Variants in C7 observed in about 807,000 individuals in gnomAD.
The protein encoded by C7 is complement component C7.
C7 carries 83 observed loss-of-function variants against 104.8 expected under a neutral mutation model. The observed-to-expected ratio is 0.79, with a 90% CI of 0.66 to 0.95. The LOEUF (loss-of-function observed/expected upper bound fraction) is 0.95. Among genes scored for constraint, C7 ranks in the 40% least tolerant of loss-of-function variants. The pLI, the probability that C7 is intolerant of heterozygous loss-of-function variation, is 0.00. For missense variants in C7, 1,070 were observed against 1,011.2 expected (o/e 1.06, Z -0.79); for synonymous variants, 415 against 360.6 (o/e 1.15, Z -1.71).
intron 16 of C7, among the ~76,000 whole-genome samples, chr5:40,977,844 C>T (rs765789819): frequency 3.3e-5 from 5 of 152,022 alleles, no homozygotes; most frequent in African/African-American, 4.8e-5. Flanking sequence ...AATTAAAAAC[C>T]AACACATGAC....
At chr5:40,970,439 G>C (rs570621317) in intron 14 of C7, among the ~76,000 whole-genome samples, 3 of 152,186 alleles carry the variant, frequency 2.0e-5, no homozygotes, top group South Asian at 4.1e-4. Flanking sequence ...AATTGAGTAA[G>C]AAAGAATACA....
chr5:40,921,897 G>C (rs1237720516), intron 1 of C7, among the ~76,000 whole-genome samples: 1 of 151,352 alleles, frequency 6.6e-6, no homozygotes, highest in African/African-American at 2.4e-5. Context: ...AATCAGCCAG[G>C]CGTGGTGGTG....
chr5:40,953,328 A>G (rs890626455), intron 9 of C7, among the ~76,000 whole-genome samples: 6 of 152,272 alleles, frequency 3.9e-5, no homozygotes, highest in South Asian at 2.1e-4. Context: ...CTTAATGGGT[A>G]TAAACCTGTA....
intron 15 of C7, among the ~76,000 whole-genome samples, chr5:40,974,193 TA>T (rs1740763648): frequency 6.6e-6 from 1 of 152,164 alleles, no homozygotes; most frequent in African/African-American, 2.4e-5. Context: ...CTATATCCAT[TA>T]AACATTAATT....
intron 14 of C7, among the ~76,000 whole-genome samples, chr5:40,966,443 C>A (rs903115055): frequency 6.6e-6 from 1 of 151,844 alleles, no homozygotes; most frequent in Non-Finnish European, 1.5e-5. Flanking sequence ...ACAATCTCAG[C>A]TCACTGCAAC....
chr5:40,928,777 A>G (rs1022345854), intron 2 of C7, 142 bp downstream of exon 2: 8 of 525,078 alleles, frequency 1.5e-5, no homozygotes, highest in Non-Finnish European at 2.7e-5. Context: ...ATAAAAGACA[A>G]TGATAACAAA....
Position 40,979,752 on chromosome 5 carries a change from T to A in C7, c.2193T>A (p.Asp731Glu). 1 of 1,613,520 alleles carries A rather than the reference T, an allele frequency of 6.2e-7. No homozygotes were observed. The highest frequency in any genetic ancestry group is 8.5e-7 in the Non-Finnish European group (1 of 1,179,632). ...CTTCCTTGGATGTATGTGCTCAAGA[T>A]GAGAGAAGCAAAAGGATACTGCCTC... ...CGPSLDVCAQDERSKRILPLT... is the reference protein window; with the variant it reads ...CGPSLDVCAQEERSKRILPLT... Residue 731 changes from aspartate to glutamate, a missense_variant, in exon 17 of 18, where the codon GAT (aspartate) becomes GAA (glutamate). Physicochemically the swap from Asp to Glu is conservative, Grantham distance 45 (BLOSUM62 2). Coordinates refer to ENST00000313164, the MANE Select transcript of C7 (RefSeq NM_000587.4).
chr5:40,924,269 C>G (rs1300367592), intron 1 of C7, among the ~76,000 whole-genome samples: 5 of 152,112 alleles, frequency 3.3e-5, no homozygotes. Context: ...GTCATTAAAT[C>G]CTAAAGCTTC....
intron 9 of C7, among the ~76,000 whole-genome samples, chr5:40,950,850 G>T (rs1380801654): frequency 6.6e-6 from 1 of 152,132 alleles, no homozygotes; most frequent in African/African-American, 2.4e-5. Flanking sequence ...CAGTGGAGAT[G>T]GGGGGAAGGT....
At chr5:40,936,946 A>G (rs1256128833) in intron 5 of C7, among the ~76,000 whole-genome samples, 1 of 152,154 alleles carries the variant, frequency 6.6e-6, no homozygotes, top group Non-Finnish European at 1.5e-5. Context: ...CTAGCCAAGA[A>G]CCTGTTTCCA....
chr5:40,958,149 T>G lies in C7; in HGVS notation c.1377T>G (p.Pro459=). 1 of 1,613,892 alleles carries G rather than the reference T, an allele frequency of 6.2e-7. No homozygotes were observed. Among genetic ancestry groups the G allele is most frequent in the South Asian group, 1.1e-5 (1 of 91,088 alleles). Residue 459 remains proline, a synonymous_variant, in exon 11 of 18, where the codon CCT becomes CCG. Transcript: ENST00000313164. ...AATTTGACCCCTGTCATTGCCGGCC[T>G]TGTCAAAATGGTGGTTTGGCTACTG... ...LDEFDPCHCR[P]CQNGGLATVE...
At chr5:40,919,152 C>G (rs1309819788) in intron 1 of C7, among the ~76,000 whole-genome samples, 1 of 146,544 alleles carries the variant, frequency 6.8e-6, no homozygotes, top group Admixed American at 6.9e-5. Flanking sequence ...GAGTTGGAGT[C>G]TTGCTCTGTC....
In C7 at chr5:40,982,130, T is replaced by C. The variant is rs962885350; in HGVS notation, c.*557T>C. The stretch of plus-strand genomic sequence containing the variant: ...ATCCTATAGAGTCAACCACCACAGA[T>C]AGGAATTCCTTATTCTTTTTTTAAT... On this transcript the variant is annotated 3_prime_UTR_variant, in exon 18 of 18. Coordinates refer to ENST00000313164, the MANE Select transcript of C7 (RefSeq NM_000587.4). The C allele has an allele frequency of 1.3e-5, 2 of 152,250 alleles. No homozygotes were observed. The highest frequency in any genetic ancestry group is 2.9e-5 in the Non-Finnish European group (2 of 68,026). The allele number at this position is 152,250 out of a possible 1,614,324, so 9.4% of individuals were successfully genotyped here. A position where few individuals can be genotyped will look rare whatever the true frequency, so the allele number is the denominator to read the frequency against.
In C7 at chr5:40,972,439, T is replaced by G. The variant is rs769434702; in HGVS notation, c.1919T>G (p.Ile640Arg). The G allele has an allele frequency of 6.2e-7, 1 of 1,613,940 alleles. No individual in the cohort carries two copies. The highest frequency in any genetic ancestry group is 8.5e-7 in the Non-Finnish European group (1 of 1,179,816). The change falls in exon 15 of 18, where the codon ATA becomes AGA. Residue 640 changes from isoleucine to arginine, a missense_variant. By Grantham distance (97) the Ile-to-Arg change is moderately conservative. Coordinates refer to ENST00000313164, the MANE Select transcript of C7 (RefSeq NM_000587.4). Reference sequence around the variant, plus strand: ...GTTCTACCTGTACTGATGGATGGCATACAGAGTCACCCCCAAAAACCTTTC... The same window carrying G: ...GTTCTACCTGTACTGATGGATGGCAGACAGAGTCACCCCCAAAAACCTTTC... ...ACVLPVLMDG[I>R]QSHPQKPFYT...
intron 14 of C7, among the ~76,000 whole-genome samples, chr5:40,968,598 ATATTTTTTTTTTTTTT>A (rs1740621796): frequency 4.5e-5 from 1 of 22,044 alleles, no homozygotes; most frequent in African/African-American, 2.4e-4. Flanking sequence ...ATATATATAT[ATATTTTTTTTTTTTTT>A]TTTTTTTTTT....
intron 7 of C7, among the ~76,000 whole-genome samples, chr5:40,947,260 A>G (rs1283964183): frequency 2.0e-5 from 3 of 151,320 alleles, no homozygotes; most frequent in Non-Finnish European, 4.4e-5. Context: ...CCACCATGGC[A>G]GGATAATTTT....
intron 1 of C7, among the ~76,000 whole-genome samples, chr5:40,917,546 G>C (rs1019680068): frequency 6.6e-6 from 1 of 152,016 alleles, no homozygotes; most frequent in Non-Finnish European, 1.5e-5. Context: ...ACTTAGGTTG[G>C]TTCTGTATCT....
rs1283396947 is a variant in C7 at position 40,934,421 on chromosome 5, T to C, written c.235T>C (p.Cys79Arg). The C allele has an allele frequency of 7.4e-6, 12 of 1,613,688 alleles. No individual in the cohort carries two copies. The highest frequency in any genetic ancestry group is 9.3e-6 in the Non-Finnish European group (11 of 1,179,748). The change falls in exon 4 of 18, where the codon TGT (cysteine) becomes CGT (arginine). Residue 79 changes from cysteine to arginine, a missense_variant. Transcript: ENST00000313164. ...ETQSCEPTRG[C>R]PTEEGCGERF... ...ACAGTCCTGTGAACCTACAAGAGGATGTCCAACAGAGGAGGGATGTGGAGA... is the reference window on the plus strand; with the variant it reads ...ACAGTCCTGTGAACCTACAAGAGGACGTCCAACAGAGGAGGGATGTGGAGA...
At chr5:40,957,576 A>G (rs1384670703) in intron 10 of C7, among the ~76,000 whole-genome samples, 1 of 151,884 alleles carries the variant, frequency 6.6e-6, no homozygotes, top group Non-Finnish European at 1.5e-5. Flanking sequence ...CTGCCTCAAC[A>G]TCCTAAGTAG....
Sources: gnomAD v4.1 joint callset for allele counts (sites outside exome capture counted in the v4.1 genomes callset) on GRCh38, gnomAD v4.1.1 for gene constraint, MANE v1.5 for transcripts, NCBI Gene and HGNC (gene_info 2026-07-23, HGNC 2026-07-21) for gene names.